ZMYM4: variants seen among roughly 807,000 people sequenced by gnomAD.
ZMYM4 encodes the protein zinc finger MYM-type containing 4.
ZMYM4 carries 31 observed loss-of-function variants against 183.2 expected under a neutral mutation model. The ratio of observed to expected loss-of-function variants is 0.17; its 90% CI spans 0.13 to 0.23. The LOEUF is 0.23. Among genes scored for constraint, ZMYM4 ranks in the 10% least tolerant of loss-of-function variants. The pLI is 1.00. For synonymous variants in ZMYM4, 592 were observed against 631.2 expected (o/e 0.94, Z 0.93); for missense variants, 1,273 against 1,840.3 (o/e 0.69, Z 5.64).
At chr1:35,383,017 A>G (rs144004107) in intron 9 of ZMYM4, among the ~76,000 whole-genome samples, 2,531 of 152,316 alleles carry the variant, frequency 0.017, 65 homozygotes, top group African/African-American at 0.057. Flanking sequence ...ATTAATTGTT[A>G]CAGTAAGGGA....
At chr1:35,321,476 A>G (rs1642278875) in intron 1 of ZMYM4, among the ~76,000 whole-genome samples, 1 of 152,106 alleles carries the variant, frequency 6.6e-6, no homozygotes, top group Admixed American at 6.6e-5. Context: ...TGGGGATGTA[A>G]TGGGAATGTG....
rs34788276 is a variant in ZMYM4 at position 35,284,922 on chromosome 1, T to TG, written c.39+15843dup. 8.2e-3 allele frequency among the ~76,000 whole-genome samples: 1,250 copies of TG among 152,224 alleles called. 20 individuals are homozygous for TG. The highest frequency in any genetic ancestry group is 0.024 in the African/African-American group (1,001 of 41,536). On this transcript the variant is annotated intron_variant, in intron 1 of 29. Coordinates refer to ENST00000314607, the MANE Select transcript of ZMYM4 (RefSeq NM_005095.3). ...GTCCCCCTCTCCAAGTATTATTACA[T>TG]GGGGGGTTAAGGCTTCAACATATGA...
intron 1 of ZMYM4, among the ~76,000 whole-genome samples, chr1:35,279,724 C>T (rs116211828): frequency 3.1e-4 from 47 of 152,316 alleles, no homozygotes; most frequent in African/African-American, 1.1e-3. Flanking sequence ...AAGTTCATGG[C>T]TTCCAGATTC....
At chr1:35,313,202 C>G (rs1037697895) in intron 1 of ZMYM4, among the ~76,000 whole-genome samples, 5 of 151,412 alleles carry the variant, frequency 3.3e-5, no homozygotes, top group African/African-American at 1.2e-4. Flanking sequence ...CCCCAGCTAA[C>G]ATTTTTATTA....
chr1:35,317,005 C>T (rs937447997), intron 1 of ZMYM4, among the ~76,000 whole-genome samples: 7 of 151,694 alleles, frequency 4.6e-5, no homozygotes, highest in Non-Finnish European at 1.0e-4. Flanking sequence ...GTCTCTAACC[C>T]CAGCTACTTG....
intron 1 of ZMYM4, among the ~76,000 whole-genome samples, chr1:35,325,125 T>C (rs539803319): frequency 7.2e-5 from 11 of 152,266 alleles, no homozygotes; most frequent in Admixed American, 1.3e-4. Context: ...AGTAGTTGTT[T>C]ATAGTGAGAG....
At chr1:35,361,334 A>C in intron 4 of ZMYM4, 79 bp downstream of exon 4, 9 of 1,395,322 alleles carry the variant, frequency 6.5e-6, no homozygotes, top group Non-Finnish European at 8.8e-6. Context: ...TCTAAATTCT[A>C]ACAATGTATT....
At chr1:35,299,899 A>C (rs973605438) in intron 1 of ZMYM4, among the ~76,000 whole-genome samples, 10 of 150,948 alleles carry the variant, frequency 6.6e-5, no homozygotes, top group Non-Finnish European at 1.2e-4. Context: ...GGTTCATGCC[A>C]TTCTCCTGCC....
At chr1:35,351,188 T>A in intron 2 of ZMYM4, 1 of 1,335,040 alleles carries the variant, frequency 7.5e-7, no homozygotes, top group African/African-American at 1.4e-5. Flanking sequence ...CCACTGGCAA[T>A]AAAGTTTTGG....
Position 35,381,307 on chromosome 1 carries a change from C to T in ZMYM4, c.1230C>T (p.Thr410=), listed in dbSNP as rs182071002. Residue 410 remains threonine, a synonymous_variant, in exon 8 of 30, where the codon ACC becomes ACT. Transcript: ENST00000314607. ...TGATCAGTGCCCAGTTTGAAAACAC[C>T]ACCACTAGTAAAGATTTTTGCAGTC... ...KDVISAQFEN[T]TTSKDFCSQS... The T allele has an allele frequency of 5.5e-4, 883 of 1,612,332 alleles. 5 individuals are homozygous for T. The highest frequency in any genetic ancestry group is 4.2e-3 in the South Asian group (379 of 90,892).
At chr1:35,304,102 GC>G (rs1641414911) in intron 1 of ZMYM4, among the ~76,000 whole-genome samples, 1 of 151,570 alleles carries the variant, frequency 6.6e-6, no homozygotes, top group African/African-American at 2.4e-5. Context: ...TTGGCTCACT[GC>G]AACCTCCGCC....
At chr1:35,342,152 T>C (rs1003565639) in intron 2 of ZMYM4, among the ~76,000 whole-genome samples, 4 of 152,056 alleles carry the variant, frequency 2.6e-5, no homozygotes, top group Admixed American at 1.3e-4. Flanking sequence ...TCAAGGCATT[T>C]GTTCATTTCA....
At chr1:35,305,295 C>G (rs781620594) in intron 1 of ZMYM4, among the ~76,000 whole-genome samples, 2 of 152,218 alleles carry the variant, frequency 1.3e-5, no homozygotes, top group African/African-American at 2.4e-5. Flanking sequence ...TATAAATCTG[C>G]AGCCACAGTT....
chr1:35,281,002 A>T (rs557782947), intron 1 of ZMYM4, among the ~76,000 whole-genome samples: 1 of 152,140 alleles, frequency 6.6e-6, no homozygotes, highest in Non-Finnish European at 1.5e-5. Flanking sequence ...AAAAAATCAC[A>T]GGTCGGGTGC....
chr1:35,289,483 CTG>C lies in ZMYM4; in HGVS notation c.39+20399_39+20400del, dbSNP rs148912337. ...GGCACCATTAATTGAGATAGGAAAACTGGGGAAAGAATACACAGTGGTCGGGA... is the reference window on the plus strand; with the variant it reads ...GGCACCATTAATTGAGATAGGAAAACGGGAAAGAATACACAGTGGTCGGGA... On this transcript the variant is annotated intron_variant, in intron 1 of 29. Transcript: ENST00000314607. Among the ~76,000 whole-genome samples the C allele has an allele frequency of 7.5e-4, 114 of 152,236 alleles. 1 individual carries two copies. The East Asian group carries it at 0.018, about 24-fold the overall frequency.
chr1:35,330,132 T>C (rs937075453), intron 2 of ZMYM4, among the ~76,000 whole-genome samples: 4 of 151,780 alleles, frequency 2.6e-5, no homozygotes, highest in South Asian at 2.1e-4. Context: ...GGAGGATTGA[T>C]TGAGTCCAAG....
In ZMYM4 at chr1:35,367,234, T is replaced by A. The variant is rs532063097; in HGVS notation, c.841-2795T>A. On this transcript the variant is annotated intron_variant, in intron 5 of 29. Coordinates refer to ENST00000314607, the MANE Select transcript of ZMYM4 (RefSeq NM_005095.3). ...ACAATTAATTAATTTTTTTTTTTTT[T>A]AAAAGACAGAGTTTCACTCTTGTTG... Among the ~76,000 whole-genome samples the A allele has an allele frequency of 3.5e-3, 529 of 150,898 alleles. 2 individuals carry two copies. The highest frequency in any genetic ancestry group is 4.8e-3 in the Non-Finnish European group (329 of 67,874).
At chr1:35,412,537 A>G (rs530243968) in intron 26 of ZMYM4, among the ~76,000 whole-genome samples, 1 of 152,122 alleles carries the variant, frequency 6.6e-6, no homozygotes, top group Non-Finnish European at 1.5e-5. Context: ...ATGTACTGAT[A>G]TATTTCTGTA....
intron 2 of ZMYM4, among the ~76,000 whole-genome samples, chr1:35,356,902 AG>A (rs1643840876): frequency 1.4e-5 from 2 of 144,210 alleles, no homozygotes; most frequent in Admixed American, 1.3e-4. Context: ...AGAAAGAAAC[AG>A]GGGGTTGCCC....
Sources: allele counts gnomAD v4.1 joint callset (sites outside exome capture counted in the v4.1 genomes callset), GRCh38; gene constraint gnomAD v4.1.1; transcripts MANE v1.5; gene names NCBI Gene and HGNC (gene_info 2026-07-23, HGNC 2026-07-21).